The following POU6F2 variants were observed in gnomAD, a reference collection of about 807,000 sequenced individuals.
POU6F2 encodes the protein POU domain, class 6, transcription factor 2.
In POU6F2, 31 loss-of-function variants were observed where a neutral mutation model predicts 71.3. That is an observed-to-expected ratio of 0.43 (90% CI 0.33 to 0.59). The LOEUF (loss-of-function observed/expected upper bound fraction) is 0.59. POU6F2 is among the 20% of genes least tolerant of loss of function. The pLI, the probability that POU6F2 is intolerant of heterozygous loss-of-function variation, is 0.04. For synonymous variants in POU6F2, 347 were observed against 355.7 expected, an observed-to-expected ratio of 0.98 and a Z score of 0.27; for missense variants, 783 against 856.8, an observed-to-expected ratio of 0.91 and a Z score of 1.07.
chr7:39,079,062 T>A (rs2128719584), intron 1 of POU6F2, among the ~76,000 whole-genome samples: 1 of 152,192 alleles, frequency 6.6e-6, no homozygotes, highest in African/African-American at 2.4e-5. Context: ...GTCAGTTAGA[T>A]ACCTTAATGT....
At chr7:39,326,364 G>A (rs1166633187) in intron 4 of POU6F2, among the ~76,000 whole-genome samples, 2 of 152,148 alleles carry the variant, frequency 1.3e-5, no homozygotes, top group African/African-American at 4.8e-5. Context: ...CCAATCCTCT[G>A]CCAAACTCTG....
chr7:39,122,655 TG>T (rs1191252646), intron 2 of POU6F2, among the ~76,000 whole-genome samples: 1 of 152,078 alleles, frequency 6.6e-6, no homozygotes, highest in Non-Finnish European at 1.5e-5. Flanking sequence ...GCTTGCTTAT[TG>T]GGGTCCAATT....
intron 6 of POU6F2, among the ~76,000 whole-genome samples, chr7:39,423,611 G>A (rs998667199): frequency 2.6e-5 from 4 of 152,090 alleles, no homozygotes; most frequent in Non-Finnish European, 4.4e-5. Context: ...TGTCTATACT[G>A]GCGTACATTT....
chr7:39,323,834 C>G (rs1393610967), intron 4 of POU6F2, among the ~76,000 whole-genome samples: 1 of 152,098 alleles, frequency 6.6e-6, no homozygotes, highest in African/African-American at 2.4e-5. Context: ...CACCGCCAGG[C>G]AAGGTGGCTC....
At chr7:39,254,009 G>C (rs536766488) in intron 4 of POU6F2, among the ~76,000 whole-genome samples, 1 of 152,264 alleles carries the variant, frequency 6.6e-6, no homozygotes, top group African/African-American at 2.4e-5. Context: ...TGGAAAATCA[G>C]TACAAGGAGA....
At chr7:39,205,019 T>A (rs1295898912) in intron 3 of POU6F2, among the ~76,000 whole-genome samples, 1 of 151,940 alleles carries the variant, frequency 6.6e-6, no homozygotes, top group African/African-American at 2.4e-5. Context: ...TTATTGTCAT[T>A]ATTGCTCCTG....
chr7:39,323,085 T>C (rs1178445591), intron 4 of POU6F2, among the ~76,000 whole-genome samples: 1 of 151,918 alleles, frequency 6.6e-6, no homozygotes, highest in African/African-American at 2.4e-5. Flanking sequence ...TATATGCAGG[T>C]TGCTGAGAGA....
At position 39,252,574 on chromosome 7, in the gene POU6F2, C is replaced by G. The variant is rs74760639; in HGVS notation, c.598+44954C>G. On this transcript the variant is annotated intron_variant, in intron 4 of 9. Transcript: ENST00000518318. ...TTGAGGGTTCACGCAACTTTCTCTC[C>G]TATGGAGAGGGTCCTTAACATCAAG... 5.9e-3 allele frequency among the ~76,000 whole-genome samples: 893 copies of G among 152,274 alleles called. 15 individuals are homozygous for G. Among genetic ancestry groups the G allele is most frequent in the South Asian group, 0.032 (154 of 4,814 alleles).
At chr7:39,148,298 A>G (rs912102079) in intron 2 of POU6F2, among the ~76,000 whole-genome samples, 1 of 152,180 alleles carries the variant, frequency 6.6e-6, no homozygotes, top group African/African-American at 2.4e-5. Context: ...AGGTTCAGAA[A>G]CTAGTTCACC....
At chr7:39,418,212 G>A (rs1011000905) in intron 6 of POU6F2, among the ~76,000 whole-genome samples, 1 of 152,158 alleles carries the variant, frequency 6.6e-6, no homozygotes, top group African/African-American at 2.4e-5. Flanking sequence ...CAAATGGCTA[G>A]AACGGCATCT....
intron 2 of POU6F2, among the ~76,000 whole-genome samples, chr7:39,116,049 AT>A (rs1336729648): frequency 6.6e-6 from 1 of 152,138 alleles, no homozygotes; most frequent in African/African-American, 2.4e-5. Context: ...CCATCTGGAC[AT>A]TATCTTTTTA....
At chr7:39,148,610 GATA>G (rs979607937) in intron 2 of POU6F2, among the ~76,000 whole-genome samples, 39 of 151,616 alleles carry the variant, frequency 2.6e-4, no homozygotes, top group African/African-American at 8.7e-4. Flanking sequence ...TGGTGATGAT[GATA>G]ATGATGATTA....
chr7:39,207,573 C>T lies in POU6F2; in HGVS notation c.551C>T (p.Ala184Val). 3 of 1,613,990 alleles carry T rather than the reference C, an allele frequency of 1.9e-6. No individual in the cohort carries two copies. The highest frequency in any genetic ancestry group is 2.5e-6 in the Non-Finnish European group (3 of 1,179,870). ...NLTNIQGLVA[A>V]AAAGGIMTLP... is the part of the protein sequence containing the mutation. Reference sequence around the variant, plus strand: ...ACCAACATCCAAGGGCTGGTGGCAGCAGCTGCAGCCGGAGGCATTATGACT... The same window carrying T: ...ACCAACATCCAAGGGCTGGTGGCAGTAGCTGCAGCCGGAGGCATTATGACT... The change falls in exon 4 of 10, where the codon GCA becomes GTA. Residue 184 changes from alanine to valine, a missense_variant. Ala to Val is a moderately conservative substitution (Grantham distance 64). This residue lies in a region of POU6F2 where 572 missense variants were observed against 572.9 expected (regional missense o/e 1.00). Transcript: ENST00000518318.
intron 4 of POU6F2, among the ~76,000 whole-genome samples, chr7:39,335,662 AT>A (rs758029535): frequency 1.3e-5 from 2 of 152,222 alleles, no homozygotes; most frequent in Non-Finnish European, 2.9e-5. Context: ...CAATAACACC[AT>A]CTATCCATAC....
intron 4 of POU6F2, among the ~76,000 whole-genome samples, chr7:39,238,189 T>C (rs942472627): frequency 1.3e-5 from 2 of 152,158 alleles, no homozygotes; most frequent in African/African-American, 4.8e-5. Context: ...ATTAAGCCTC[T>C]CTAAACTCAG....
intron 1 of POU6F2, among the ~76,000 whole-genome samples, chr7:39,015,700 T>TATATAGATATATAATATATAGATATA (rs765518595): frequency 1.2e-5 from 1 of 84,486 alleles, no homozygotes; most frequent in East Asian, 2.8e-4. Flanking sequence ...CTATATATTA[T>TATATAGATATATAATATATAGATATA]ATATATCTAT....
intron 4 of POU6F2, among the ~76,000 whole-genome samples, chr7:39,256,760 G>A (rs1784031938): frequency 6.6e-6 from 1 of 152,154 alleles, no homozygotes. Flanking sequence ...CCCAGCCGCT[G>A]CTGCCTTTGA....
At chr7:39,286,104 C>G (rs770980095) in intron 4 of POU6F2, among the ~76,000 whole-genome samples, 2 of 152,114 alleles carry the variant, frequency 1.3e-5, no homozygotes, top group South Asian at 2.1e-4. Flanking sequence ...AAACTTTAGC[C>G]CCAGAGAGCA....
At chr7:39,102,646 A>G (rs1016563262) in intron 2 of POU6F2, among the ~76,000 whole-genome samples, 13 of 152,190 alleles carry the variant, frequency 8.5e-5, no homozygotes, top group Non-Finnish European at 1.5e-4. Flanking sequence ...ATGTTTATAT[A>G]TGTATGCATG....
Sources: gnomAD v4.1 joint callset for allele counts (sites outside exome capture counted in the v4.1 genomes callset) on GRCh38, gnomAD v4.1.1 for gene constraint, gnomAD v4.1.1 regional missense constraint, MANE v1.5 for transcripts, NCBI Gene and HGNC (gene_info 2026-07-23, HGNC 2026-07-21) for gene names.